ZNF506: variants seen among roughly 807,000 people sequenced by gnomAD.
ZNF506 encodes the protein zinc finger protein 506.
A neutral mutation model predicts 11.6 loss-of-function variants in ZNF506; 10 were observed. The ratio of observed to expected loss-of-function variants is 0.86; its 90% confidence interval spans 0.53 to 1.46. The LOEUF is 1.46. Among genes scored for constraint, ZNF506 ranks in the 40% most tolerant of loss-of-function variants. ZNF506 has a pLI of 0.00. For missense variants in ZNF506, 425 were observed against 521.2 expected (o/e 0.82, Z 1.80); for synonymous variants, 156 against 173.3 (o/e 0.90, Z 0.78).
chr19:19,814,697 G>C (rs1265758588), intron 1 of ZNF506, among the ~76,000 whole-genome samples: 1 of 151,220 alleles, frequency 6.6e-6, no homozygotes, highest in Admixed American at 6.6e-5. Context: ...CAAAAATAAA[G>C]GTAAAAGAAA....
At position 19,794,907 on chromosome 19, in the gene ZNF506, T is replaced by C. The variant is rs762365749; in HGVS notation, c.980A>G (p.Asn327Ser). Residue 327 changes from asparagine (N) to serine (S), a missense_variant, in exon 4 of 4, where the codon AAC (asparagine) becomes AGC (serine). Transcript: ENST00000540806. ...ATGAATTCTCTTATGTTTAGTAAGG[T>C]TTGAGGAACGGTTAAAAGCTTTGCC... is the stretch of plus-strand genomic sequence containing the variant. ...ECGKAFNRSS[N>S]LTKHKRIHTG... 1 of 1,612,850 alleles carries C rather than the reference T, an allele frequency of 6.2e-7. No homozygotes were observed. Among genetic ancestry groups the C allele is most frequent in the Non-Finnish European group, 8.5e-7 (1 of 1,179,712 alleles).
intron 3 of ZNF506, 144 bp downstream of exon 3, chr19:19,805,882 AAAAAG>A (rs1409808327): frequency 8.6e-5 from 58 of 676,400 alleles, no homozygotes; most frequent in Non-Finnish European, 9.1e-5. Flanking sequence ...AATTAAAAGA[AAAAAG>A]AAAAGAAAAG....
intron 1 of ZNF506, among the ~76,000 whole-genome samples, chr19:19,815,196 C>A (rs1170009252): frequency 1.3e-5 from 2 of 152,150 alleles, no homozygotes; most frequent in Non-Finnish European, 2.9e-5. Flanking sequence ...GGAGGCGGAG[C>A]CTGCAGTGAG....
chr19:19,818,184 A>T (rs1292185251), intron 1 of ZNF506, among the ~76,000 whole-genome samples: 1 of 152,186 alleles, frequency 6.6e-6, no homozygotes, highest in Non-Finnish European at 1.5e-5. Flanking sequence ...CTTCTTTCAG[A>T]CAACGTATTA....
At chr19:19,811,165 CTTTT>C (rs560824045) in intron 1 of ZNF506, among the ~76,000 whole-genome samples, 39 of 152,202 alleles carry the variant, frequency 2.6e-4, no homozygotes, top group African/African-American at 8.9e-4. Context: ...TCTAGAGTAA[CTTTT>C]TTTGTTTTGA....
At chr19:19,810,094 G>C (rs1178050104) in intron 1 of ZNF506, among the ~76,000 whole-genome samples, 3 of 151,684 alleles carry the variant, frequency 2.0e-5, no homozygotes, top group Non-Finnish European at 4.4e-5. Flanking sequence ...ACTTTATGTA[G>C]TGTGATTTTG....
intron 1 of ZNF506, among the ~76,000 whole-genome samples, chr19:19,819,317 C>T (rs998972667): frequency 1.3e-5 from 2 of 150,988 alleles, no homozygotes; most frequent in African/African-American, 4.9e-5. Context: ...AATGTGTCTC[C>T]AAGAAATGGA....
intron 2 of ZNF506, 130 bp from the exon 3 acceptor site, chr19:19,806,256 A>G: frequency 1.5e-6 from 1 of 649,390 alleles, no homozygotes; most frequent in Non-Finnish European, 2.2e-6. Flanking sequence ...GTTATAACAG[A>G]AATTTTTTTT....
intron 1 of ZNF506, among the ~76,000 whole-genome samples, chr19:19,815,440 T>C (rs1013741156): frequency 2.0e-5 from 3 of 152,198 alleles, no homozygotes; most frequent in Non-Finnish European, 4.4e-5. Context: ...TTCTTTCCTC[T>C]ACATTTTCAG....
chr19:19,805,563 A>G (rs188648085), intron 3 of ZNF506, among the ~76,000 whole-genome samples: 6 of 152,352 alleles, frequency 3.9e-5, no homozygotes, highest in Non-Finnish European at 2.9e-5. Flanking sequence ...TTCAAACTAT[A>G]CATTTCAAGA....
rs2062969209 is a variant in ZNF506, at chr19:19,821,745, G to C, written c.-142C>G. 2 of 1,105,076 alleles carry C rather than the reference G, an allele frequency of 1.8e-6. No individual in the cohort carries two copies. The highest frequency in any genetic ancestry group is 1.6e-5 in the African/African-American group (1 of 64,502). 68.5% of individuals were successfully genotyped at this position (1,105,076 alleles called of 1,614,324 possible). ...AGCTGGATCTCTGGCGTCAGCGAGAGACAATGGGCCCGCCAAAGCCGGAAG... is the reference window on the plus strand; with the variant it reads ...AGCTGGATCTCTGGCGTCAGCGAGACACAATGGGCCCGCCAAAGCCGGAAG... On this transcript the variant is annotated 5_prime_UTR_variant, in exon 1 of 4. Transcript: ENST00000540806.
At chr19:19,821,194 C>G (rs1314132970) in intron 1 of ZNF506, among the ~76,000 whole-genome samples, 2 of 152,150 alleles carry the variant, frequency 1.3e-5, no homozygotes, top group East Asian at 3.8e-4. Flanking sequence ...CCACCACGCC[C>G]GGCCCAATAA....
At chr19:19,803,581 G>A (rs1389337490) in intron 3 of ZNF506, among the ~76,000 whole-genome samples, 1 of 152,222 alleles carries the variant, frequency 6.6e-6, no homozygotes, top group Non-Finnish European at 1.5e-5. Context: ...AACTACCCAA[G>A]TCCCTGTATC....
chr19:19,802,275 A>G (rs560430223), intron 3 of ZNF506, among the ~76,000 whole-genome samples: 1 of 152,216 alleles, frequency 6.6e-6, no homozygotes, highest in South Asian at 2.1e-4. Flanking sequence ...CATTAAATGC[A>G]GGTATTTTGA....
intron 3 of ZNF506, chr19:19,797,525 G>A (rs1471461012): frequency 1.3e-5 from 2 of 150,750 alleles, no homozygotes; most frequent in African/African-American, 2.4e-5. Context: ...TTAGAAAAAC[G>A]AGGATAACAA....
At chr19:19,807,305 G>C (rs961822012) in intron 1 of ZNF506, among the ~76,000 whole-genome samples, 1 of 152,160 alleles carries the variant, frequency 6.6e-6, no homozygotes, top group Non-Finnish European at 1.5e-5. Flanking sequence ...AGATAATAAA[G>C]TATAAAATTA....
chr19:19,819,609 C>T (rs1164877982), intron 1 of ZNF506, among the ~76,000 whole-genome samples: 2 of 152,132 alleles, frequency 1.3e-5, no homozygotes, highest in African/African-American at 4.8e-5. Context: ...GCTGAGGACA[C>T]ATCACCCTAT....
intron 3 of ZNF506, among the ~76,000 whole-genome samples, chr19:19,800,254 G>C (rs954530720): frequency 7.2e-5 from 11 of 151,846 alleles, no homozygotes; most frequent in Non-Finnish European, 1.3e-4. Context: ...AGAAACCGAA[G>C]AGTGGTGTTT....
intron 3 of ZNF506, among the ~76,000 whole-genome samples, chr19:19,805,111 A>T (rs1282547794): frequency 6.6e-6 from 1 of 152,186 alleles, no homozygotes; most frequent in African/African-American, 2.4e-5. Flanking sequence ...AGTACATTAA[A>T]ACCTGTCTAA....
Sources: allele counts gnomAD v4.1 joint callset (sites outside exome capture counted in the v4.1 genomes callset), GRCh38; gene constraint gnomAD v4.1.1; transcripts MANE v1.5; gene names NCBI Gene and HGNC (gene_info 2026-07-23, HGNC 2026-07-21).